GALNT17: variants seen among roughly 807,000 people sequenced by gnomAD.
The protein encoded by GALNT17 is UDP-GalNAc:polypeptide N-acetylgalactosaminyltransferase-like 3.
GALNT17 carries 29 observed loss-of-function variants against 63.7 expected under a neutral mutation model. The observed-to-expected ratio is 0.46, with a 90% CI of 0.34 to 0.62. The LOEUF (loss-of-function observed/expected upper bound fraction) is 0.62, where lower values mean the gene tolerates loss of function less well. Among genes scored for constraint, GALNT17 ranks in the 20% least tolerant of loss-of-function variants. The pLI, the probability that GALNT17 is intolerant of heterozygous loss-of-function variation, is 0.01. For synonymous variants in GALNT17, 305 were observed against 318.3 expected, an observed-to-expected ratio of 0.96 and a Z score of 0.45; for missense variants, 603 against 799.6, an observed-to-expected ratio of 0.75 and a Z score of 2.97.
intron 6 of GALNT17, among the ~76,000 whole-genome samples, chr7:71,589,855 C>T (rs2116914330): frequency 6.6e-6 from 1 of 152,262 alleles, no homozygotes; most frequent in South Asian, 2.1e-4. Context: ...TTTATTCATC[C>T]ATATAACTTT....
chr7:71,375,741 A>G (rs573260705), intron 2 of GALNT17, among the ~76,000 whole-genome samples: 38 of 152,330 alleles, frequency 2.5e-4, no homozygotes, highest in African/African-American at 7.7e-4. Context: ...GTTTCTATAA[A>G]GAAACCTACT....
chr7:71,312,866 T>C (rs900648086), intron 1 of GALNT17, among the ~76,000 whole-genome samples: 5 of 152,080 alleles, frequency 3.3e-5, no homozygotes, highest in African/African-American at 1.2e-4. Flanking sequence ...GGCTAGCATT[T>C]TGGGAGGTTG....
chr7:71,366,484 A>G (rs373334319), intron 2 of GALNT17, among the ~76,000 whole-genome samples: 4 of 152,042 alleles, frequency 2.6e-5, no homozygotes, highest in Non-Finnish European at 4.4e-5. Context: ...GGGAGGCTGA[A>G]ACAGGAGAAT....
intron 1 of GALNT17, among the ~76,000 whole-genome samples, chr7:71,280,321 G>A (rs184595682): frequency 6.6e-6 from 1 of 152,242 alleles, no homozygotes; most frequent in East Asian, 1.9e-4. Context: ...ATCTGACTGC[G>A]TTGGAAACTG....
intron 1 of GALNT17, among the ~76,000 whole-genome samples, chr7:71,254,317 G>C (rs1047640949): frequency 6.6e-6 from 1 of 152,128 alleles, no homozygotes; most frequent in Non-Finnish European, 1.5e-5. Context: ...GACATAAAAG[G>C]GTGCCAGACT....
chr7:71,443,979 G>A (rs1787115225), intron 5 of GALNT17, among the ~76,000 whole-genome samples: 1 of 152,130 alleles, frequency 6.6e-6, no homozygotes, highest in African/African-American at 2.4e-5. Context: ...TGCCCGCCTT[G>A]GCCTCCCAAA....
chr7:71,294,648 C>T lies in GALNT17; in HGVS notation c.239-40902C>T, dbSNP rs187774435. Among the ~76,000 whole-genome samples the T allele has an allele frequency of 1.5e-3, 232 of 152,220 alleles. 1 individual carries two copies. Among genetic ancestry groups the T allele is most frequent in the African/African-American group, 5.2e-3 (217 of 41,538 alleles). On this transcript the variant is annotated intron_variant, in intron 1 of 10. Coordinates refer to ENST00000333538, the MANE Select transcript of GALNT17 (RefSeq NM_022479.3). ...CAGGCTGGCCTTGAACTCCTGACCT[C>T]AGGTAATCAACCCACCTTGGCCTCC...
intron 5 of GALNT17, among the ~76,000 whole-genome samples, chr7:71,561,213 A>G (rs556011271): frequency 1.8e-4 from 27 of 152,140 alleles, no homozygotes; most frequent in Admixed American, 1.6e-3. Context: ...GGGTTTTGCC[A>G]TGTTGCCCGA....
chr7:71,207,529 C>A (rs913941299), intron 1 of GALNT17, among the ~76,000 whole-genome samples: 2 of 150,960 alleles, frequency 1.3e-5, no homozygotes, highest in Non-Finnish European at 3.0e-5. Flanking sequence ...ACTTAATCAG[C>A]AAAGTGGAGG....
chr7:71,428,040 T>C (rs1192651676), intron 5 of GALNT17, among the ~76,000 whole-genome samples: 1 of 152,186 alleles, frequency 6.6e-6, no homozygotes, highest in Non-Finnish European at 1.5e-5. Flanking sequence ...GGACTGCTGA[T>C]CTAGAGCATC....
intron 4 of GALNT17, among the ~76,000 whole-genome samples, chr7:71,419,815 G>A (rs1291185256): frequency 6.6e-6 from 1 of 152,214 alleles, no homozygotes; most frequent in African/African-American, 2.4e-5. Flanking sequence ...TGGAAGCCTT[G>A]GAAAATTAGT....
chr7:71,281,423 A>G (rs1446817283), intron 1 of GALNT17, among the ~76,000 whole-genome samples: 1 of 152,208 alleles, frequency 6.6e-6, no homozygotes, highest in Non-Finnish European at 1.5e-5. Flanking sequence ...AAAATAGCCC[A>G]TTTCCTGGAA....
At chr7:71,486,860 CCAAAAAAAAAAAA>C (rs1421083844) in intron 5 of GALNT17, among the ~76,000 whole-genome samples, 2 of 149,580 alleles carry the variant, frequency 1.3e-5, no homozygotes, top group African/African-American at 4.9e-5. Flanking sequence ...AAGACCCTGT[CCAAAAAAAAAAAA>C]CAAAAAAAAA....
intron 5 of GALNT17, among the ~76,000 whole-genome samples, chr7:71,521,029 A>G (rs1322602421): frequency 2.0e-5 from 3 of 152,132 alleles, no homozygotes; most frequent in African/African-American, 7.2e-5. Flanking sequence ...GAGGGAGGAG[A>G]ATGAAAGCTG....
At chr7:71,258,985 G>T (rs1242504986) in intron 1 of GALNT17, among the ~76,000 whole-genome samples, 3 of 152,276 alleles carry the variant, frequency 2.0e-5, no homozygotes, top group Non-Finnish European at 4.4e-5. Flanking sequence ...GATGCTCAGG[G>T]TATGTGTATA....
chr7:71,484,412 C>T (rs1475609395), intron 5 of GALNT17, among the ~76,000 whole-genome samples: 3 of 152,086 alleles, frequency 2.0e-5, no homozygotes, highest in African/African-American at 7.2e-5. Flanking sequence ...GGCTTGAACT[C>T]AGGAGGCAGA....
At chr7:71,146,319 G>A (rs1031619951) in intron 1 of GALNT17, among the ~76,000 whole-genome samples, 2 of 152,208 alleles carry the variant, frequency 1.3e-5, no homozygotes, top group African/African-American at 4.8e-5. Context: ...GCCAGTGCCA[G>A]TCTCGGGTCC....
intron 3 of GALNT17, among the ~76,000 whole-genome samples, chr7:71,392,599 G>A (rs1467691779): frequency 6.6e-6 from 1 of 152,262 alleles, no homozygotes; most frequent in Admixed American, 6.5e-5. Context: ...CACGCCTTGA[G>A]CCCTGTCTGT....
chr7:71,336,004 C>G (rs555536358), intron 2 of GALNT17, among the ~76,000 whole-genome samples: 1 of 61,218 alleles, frequency 1.6e-5, no homozygotes, highest in East Asian at 4.3e-4. Context: ...TCTTCTTCTT[C>G]TTCCTTCTTC....
Sources: gnomAD v4.1 joint callset for allele counts (sites outside exome capture counted in the v4.1 genomes callset) on GRCh38, gnomAD v4.1.1 for gene constraint, MANE v1.5 for transcripts, NCBI Gene and HGNC (gene_info 2026-07-23, HGNC 2026-07-21) for gene names.